Variants in RB1 observed in about 807,000 individuals in gnomAD.
RB1 encodes the protein retinoblastoma-associated protein.
A neutral mutation model predicts 135.4 loss-of-function variants in RB1; 18 were observed. That is an observed-to-expected ratio of 0.13 (90% CI 0.09 to 0.20). The LOEUF is 0.20. Ranked by LOEUF, RB1 falls within the 10% of genes least tolerant of loss-of-function variation. RB1 has a pLI of 1.00. For synonymous variants in RB1, 365 were observed against 373.2 expected (o/e 0.98, Z 0.25); for missense variants, 868 against 1,110.0 (o/e 0.78, Z 3.10).
chr13:48,377,539 G>A (rs530951041), intron 13 of RB1, among the ~76,000 whole-genome samples: 2 of 152,210 alleles, frequency 1.3e-5, no homozygotes, highest in South Asian at 4.1e-4. Context: ...ACTTCTCTGA[G>A]ATTCAGGTTC....
intron 5 of RB1, 81 bp downstream of exon 5, chr13:48,347,944 G>A: frequency 8.9e-7 from 1 of 1,127,258 alleles, no homozygotes; most frequent in Non-Finnish European, 1.3e-6. Flanking sequence ...GATAGTTAGG[G>A]TTAGTTTGAT....
At chr13:48,358,295 T>C (rs1455966267) in intron 6 of RB1, among the ~76,000 whole-genome samples, 3 of 152,160 alleles carry the variant, frequency 2.0e-5, no homozygotes, top group Non-Finnish European at 4.4e-5. Flanking sequence ...ATAATCACTG[T>C]GCTTTTCCCC....
chr13:48,478,362 ATC>A (rs1949516637), intron 26 of RB1, among the ~76,000 whole-genome samples: 2 of 152,142 alleles, frequency 1.3e-5, no homozygotes. Context: ...TTATAAATGA[ATC>A]TCTTTTTGGA....
Position 48,303,761 on chromosome 13 carries a change from C to G in RB1, c.-152C>G. 1 of 1,210,892 alleles carries G rather than the reference C, an allele frequency of 8.3e-7. No homozygotes were observed. The highest frequency in any genetic ancestry group is 1.1e-6 in the Non-Finnish European group (1 of 905,694). The allele number at this position is 1,210,892 out of a possible 1,614,324, so 75.0% of individuals were successfully genotyped here. On this transcript the variant is annotated 5_prime_UTR_variant, in exon 1 of 27. Transcript: ENST00000267163. ...TTGGACGCGGCGCTCAGTTGCCGGG[C>G]GGGGGAGGGCGCGTCCGGTTTTTCT...
Position 48,453,032 on chromosome 13 carries a change from C to T in RB1, c.1735C>T (p.Arg579Ter), listed in dbSNP as rs121913305. The change falls in exon 18 of 27, where the codon CGA (arginine) becomes TGA (stop). Residue 579 changes from arginine (R) to a stop codon, truncating the protein, a stop_gained. Coordinates refer to ENST00000267163, the MANE Select transcript of RB1 (RefSeq NM_000321.3). LOFTEE classifies it high-confidence loss of function. ...LFDLIKQSKD[R>*]EGPTDHLESA... ...TGATCTTATTAAACAATCAAAGGAC[C>T]GAGAAGGACCAACTGATCACCTTGA... 6.2e-7 allele frequency: 1 copy of T among 1,612,974 alleles called. No individual in the cohort carries two copies. Among genetic ancestry groups the T allele is most frequent in the Non-Finnish European group, 8.5e-7 (1 of 1,179,584 alleles).
intron 17 of RB1, among the ~76,000 whole-genome samples, chr13:48,426,291 G>A (rs1566221328): frequency 6.6e-6 from 1 of 152,156 alleles, no homozygotes; most frequent in Non-Finnish European, 1.5e-5. Context: ...TTATGTTGTG[G>A]GAAATCATGG....
intron 17 of RB1, among the ~76,000 whole-genome samples, chr13:48,406,110 G>GTGTGTATGTA (rs1402985514): frequency 6.6e-6 from 1 of 151,674 alleles, no homozygotes; most frequent in Admixed American, 6.6e-5. Flanking sequence ...GTGTGTGTGT[G>GTGTGTATGTA]TGTATGTATG....
At chr13:48,456,158 T>C (rs1285844653) in intron 18 of RB1, 46 bp from the exon 19 acceptor site, 1 of 1,610,842 alleles carries the variant, frequency 6.2e-7, no homozygotes, top group Non-Finnish European at 8.5e-7. Context: ...TAATCTGTGA[T>C]TCTTAGCCAA....
At chr13:48,332,447 T>C (rs1952346332) in intron 2 of RB1, among the ~76,000 whole-genome samples, 1 of 152,168 alleles carries the variant, frequency 6.6e-6, no homozygotes, top group Non-Finnish European at 1.5e-5. Flanking sequence ...CATGTACTTG[T>C]AGTCCCAGCT....
intron 17 of RB1, among the ~76,000 whole-genome samples, chr13:48,443,696 G>T (rs937126371): frequency 1.3e-5 from 2 of 152,096 alleles, no homozygotes; most frequent in Non-Finnish European, 2.9e-5. Flanking sequence ...GGCACCAAGG[G>T]TACATTTCAT....
intron 17 of RB1, chr13:48,412,101 G>A: frequency 6.2e-7 from 1 of 1,613,244 alleles, no homozygotes; most frequent in Non-Finnish European, 8.5e-7. Context: ...ACTAATACAG[G>A]TTAAGAACAG....
chr13:48,388,130 TA>T (rs1948584474), intron 17 of RB1, among the ~76,000 whole-genome samples: 1 of 152,238 alleles, frequency 6.6e-6, no homozygotes, highest in Non-Finnish European at 1.5e-5. Flanking sequence ...TATCTCATGT[TA>T]AATTCATGTA....
chr13:48,419,352 C>A (rs1023798908), intron 17 of RB1, among the ~76,000 whole-genome samples: 3 of 152,140 alleles, frequency 2.0e-5, no homozygotes, highest in African/African-American at 4.8e-5. Flanking sequence ...AACCAAGACA[C>A]AACATACCCA....
chr13:48,317,262 G>A, intron 2 of RB1: 1 of 417,116 alleles, frequency 2.4e-6, no homozygotes, highest in Non-Finnish European at 4.2e-6. Flanking sequence ...TGGGTGGACA[G>A]CGCGGGGAGA....
intron 13 of RB1, among the ~76,000 whole-genome samples, chr13:48,378,867 G>A (rs1372097088): frequency 6.6e-6 from 1 of 152,042 alleles, no homozygotes; most frequent in Non-Finnish European, 1.5e-5. Context: ...GTCAGTTATT[G>A]ACCAAAAACG....
intron 17 of RB1, chr13:48,411,746 C>T: frequency 6.2e-7 from 1 of 1,609,890 alleles, no homozygotes; most frequent in Non-Finnish European, 8.5e-7. Flanking sequence ...TTTTTAAAAC[C>T]TTAGTTTTGT....
At chr13:48,454,731 G>A (rs968300763) in intron 18 of RB1, among the ~76,000 whole-genome samples, 9 of 152,194 alleles carry the variant, frequency 5.9e-5, no homozygotes, top group Admixed American at 2.6e-4. Flanking sequence ...ATATTTTGAC[G>A]TCACACCTGA....
At chr13:48,328,110 T>C (rs1363786508) in intron 2 of RB1, 1 of 940,374 alleles carries the variant, frequency 1.1e-6, no homozygotes, top group African/African-American at 1.6e-5. Flanking sequence ...ATTTCGAAGA[T>C]GAGATTTTAT....
At chr13:48,313,184 A>T (rs1460205571) in intron 2 of RB1, among the ~76,000 whole-genome samples, 1 of 151,734 alleles carries the variant, frequency 6.6e-6, no homozygotes, top group Non-Finnish European at 1.5e-5. Context: ...TTTTTGGAAT[A>T]CCCTTCTTTT....
Sources: gnomAD v4.1 joint callset for allele counts (sites outside exome capture counted in the v4.1 genomes callset) on GRCh38, gnomAD v4.1.1 for gene constraint, MANE v1.5 for transcripts, NCBI Gene and HGNC (gene_info 2026-07-23, HGNC 2026-07-21) for gene names.